Variants in FBN2 observed in about 807,000 individuals in gnomAD.
The protein encoded by FBN2 is fibrillin 2.
Under a neutral mutation model 355.6 loss-of-function variants are expected in FBN2, and 105 were observed. That is an observed-to-expected ratio of 0.30 (90% CI 0.25 to 0.35). FBN2 has a LOEUF of 0.35. Ranked by LOEUF, FBN2 falls within the 10% of genes least tolerant of loss-of-function variation. The pLI, the probability that FBN2 is intolerant of heterozygous loss-of-function variation, is 1.00. For synonymous variants in FBN2, 1,350 were observed against 1,301.2 expected, an observed-to-expected ratio of 1.04 and a Z score of -0.81; for missense variants, 3,280 against 3,758.7, an observed-to-expected ratio of 0.87 and a Z score of 3.33.
At chr5:128,520,170 T>C (rs1303751639) in intron 4 of FBN2, among the ~76,000 whole-genome samples, 5 of 152,150 alleles carry the variant, frequency 3.3e-5, no homozygotes, top group African/African-American at 1.2e-4. Flanking sequence ...TAGGGTTCCA[T>C]GAGCCCAAGA....
intron 5 of FBN2, among the ~76,000 whole-genome samples, chr5:128,485,263 T>C (rs1275172359): frequency 3.3e-5 from 5 of 152,116 alleles, no homozygotes; most frequent in African/African-American, 1.2e-4. Flanking sequence ...GCTCAAGCAA[T>C]CCTCCTATTT....
intron 11 of FBN2, among the ~76,000 whole-genome samples, chr5:128,379,622 C>G (rs1752176723): frequency 6.6e-6 from 1 of 151,964 alleles, no homozygotes; most frequent in Non-Finnish European, 1.5e-5. Context: ...TCTCCTAAAG[C>G]CTAATTAAAT....
chr5:128,298,574 C>T (rs1327817161), intron 48 of FBN2, among the ~76,000 whole-genome samples: 2 of 152,154 alleles, frequency 1.3e-5, no homozygotes, highest in Non-Finnish European at 2.9e-5. Flanking sequence ...CTTCTCACTT[C>T]ATTTCATTCA....
intron 33 of FBN2, among the ~76,000 whole-genome samples, chr5:128,330,241 T>C (rs1169164784): frequency 6.6e-6 from 1 of 152,238 alleles, no homozygotes; most frequent in African/African-American, 2.4e-5. Context: ...AAAAATGGCA[T>C]AGGCAAGATT....
intron 4 of FBN2, among the ~76,000 whole-genome samples, chr5:128,526,648 C>T (rs1254356684): frequency 6.6e-6 from 1 of 152,140 alleles, no homozygotes; most frequent in Non-Finnish European, 1.5e-5. Context: ...ACAAATACTT[C>T]ATGCTTACAC....
intron 8 of FBN2, among the ~76,000 whole-genome samples, chr5:128,397,338 A>C (rs1458218100): frequency 6.6e-6 from 1 of 152,224 alleles, no homozygotes; most frequent in African/African-American, 2.4e-5. Context: ...CTTAACAATA[A>C]TCACTAACGT....
Position 128,301,462 on chromosome 5 carries a change from C to A in FBN2, c.5966G>T (p.Arg1989Leu), listed in dbSNP as rs189964478. 1.5e-5 allele frequency: 24 copies of A among 1,613,294 alleles called. No individual in the cohort carries two copies. Among genetic ancestry groups the A allele is most frequent in the Non-Finnish European group, 2.0e-5 (24 of 1,179,466 alleles). Residue 1989 changes from arginine to leucine, a missense_variant, in exon 47 of 65, where the codon CGT becomes CTT. This residue lies in a region of FBN2 where 2,284 missense variants were observed against 2,749.5 expected (regional missense o/e 0.83). Coordinates refer to ENST00000262464, the MANE Select transcript of FBN2 (RefSeq NM_001999.4). ...SFFGQVCRNG[R>L]CFNEIGSFKC... ...GAAAGAACCAATTTCATTAAAACAA[C>A]GTCCATTTCTGCACACCTGACCAAA...
chr5:128,421,732 T>C (rs982542173), intron 7 of FBN2, among the ~76,000 whole-genome samples: 1 of 152,118 alleles, frequency 6.6e-6, no homozygotes, highest in Admixed American at 6.5e-5. Flanking sequence ...CAAGTGAAGA[T>C]AAAGAAAAGG....
At chr5:128,314,943 G>A (rs548739099) in intron 36 of FBN2, among the ~76,000 whole-genome samples, 1 of 152,116 alleles carries the variant, frequency 6.6e-6, no homozygotes, top group South Asian at 2.1e-4. Context: ...TCCAAAAATG[G>A]TTTCTAAAAT....
At chr5:128,395,688 G>A (rs577251488) in intron 8 of FBN2, among the ~76,000 whole-genome samples, 3 of 152,364 alleles carry the variant, frequency 2.0e-5, no homozygotes, top group South Asian at 4.1e-4. Flanking sequence ...TGACTAAAAT[G>A]AGGGCATGAG....
intron 11 of FBN2, among the ~76,000 whole-genome samples, chr5:128,391,408 C>A (rs1268792641): frequency 6.6e-6 from 1 of 152,138 alleles, no homozygotes; most frequent in Non-Finnish European, 1.5e-5. Context: ...AACAACGACA[C>A]TTGTTTCCAC....
chr5:128,404,875 A>G (rs776898740), intron 8 of FBN2, among the ~76,000 whole-genome samples: 1 of 152,220 alleles, frequency 6.6e-6, no homozygotes, highest in Non-Finnish European at 1.5e-5. Flanking sequence ...AACGGCTACA[A>G]AGAAAAGCGA....
intron 8 of FBN2, among the ~76,000 whole-genome samples, chr5:128,396,837 C>A (rs6881855): frequency 3.9e-5 from 6 of 151,982 alleles, no homozygotes; most frequent in African/African-American, 1.5e-4. Flanking sequence ...GAAAGATGTA[C>A]CACAGCAATC....
At position 128,376,800 on chromosome 5, in the gene FBN2, C is replaced by T. The variant is rs138963610; in HGVS notation, c.1903G>A (p.Glu635Lys). The T allele has an allele frequency of 4.3e-6, 7 of 1,613,626 alleles. No individual in the cohort carries two copies. The Middle Eastern group carries it at 5.0e-4, about 114-fold the overall frequency. ...NMCLNGMCIN[E>K]DGSFKCICKP... The stretch of plus-strand genomic sequence containing the variant: ...CAGATGCACTTGAAGCTGCCATCTT[C>T]ATTGATGCACATTCCATTCAAACAC... Residue 635 changes from glutamate (E) to lysine (K), a missense_variant, in exon 14 of 65, where the codon GAA becomes AAA. By Grantham distance (56) the Glu-to-Lys change is moderately conservative. Coordinates refer to ENST00000262464, the MANE Select transcript of FBN2 (RefSeq NM_001999.4).
At chr5:128,476,677 T>A (rs1203004992) in intron 5 of FBN2, among the ~76,000 whole-genome samples, 1 of 151,178 alleles carries the variant, frequency 6.6e-6, no homozygotes, top group African/African-American at 2.4e-5. Flanking sequence ...AAAAAAAAAA[T>A]AAATAAGAAC....
At chr5:128,271,234 T>C (rs1264904181) in intron 62 of FBN2, among the ~76,000 whole-genome samples, 1 of 152,214 alleles carries the variant, frequency 6.6e-6, no homozygotes, top group Non-Finnish European at 1.5e-5. Flanking sequence ...TCCTGATATT[T>C]CTCTGCAGGA....
chr5:128,535,038 A>C (rs921015489), intron 2 of FBN2, among the ~76,000 whole-genome samples: 17 of 152,186 alleles, frequency 1.1e-4, no homozygotes, highest in Non-Finnish European at 4.4e-5. Flanking sequence ...GAAAGAGTAA[A>C]CCCACCCTCC....
chr5:128,534,191 G>T (rs1756786432), intron 2 of FBN2, among the ~76,000 whole-genome samples: 1 of 151,626 alleles, frequency 6.6e-6, no homozygotes, highest in African/African-American at 2.4e-5. Flanking sequence ...TTTTGTAAAT[G>T]GTCTCAGATA....
chr5:128,350,790 C>T lies in FBN2; in HGVS notation c.2812+78G>A, dbSNP rs56071945. On this transcript the variant is annotated intron_variant, in intron 21 of 64. Coordinates refer to ENST00000262464, the MANE Select transcript of FBN2 (RefSeq NM_001999.4). ...ATCTCTGACCTTCTTCACTAAGGAACTGCGTAGTGAAAGAGGTGTCCTAGT... is the reference window on the plus strand; with the variant it reads ...ATCTCTGACCTTCTTCACTAAGGAATTGCGTAGTGAAAGAGGTGTCCTAGT... 1.7e-4 allele frequency: 260 copies of T among 1,497,556 alleles called. 1 individual carries two copies. The East Asian group carries it at 5.8e-3, about 34-fold the overall frequency. The allele number at this position is 1,497,556 out of a possible 1,614,324, so 92.8% of individuals were successfully genotyped here. A position where few individuals can be genotyped will look rare whatever the true frequency, so the allele number is the denominator to read the frequency against.
Sources: gnomAD v4.1 joint callset for allele counts (sites outside exome capture counted in the v4.1 genomes callset) on GRCh38, gnomAD v4.1.1 for gene constraint, gnomAD v4.1.1 regional missense constraint, MANE v1.5 for transcripts, NCBI Gene and HGNC (gene_info 2026-07-23, HGNC 2026-07-21) for gene names.